USP6NL: variants seen among roughly 807,000 people sequenced by gnomAD.
USP6NL encodes the protein USP6 N-terminal like.
Under a neutral mutation model 61.9 loss-of-function variants are expected in USP6NL, and 26 were observed. That is an observed-to-expected ratio of 0.42 (90% CI 0.31 to 0.58). The LOEUF (loss-of-function observed/expected upper bound fraction) is 0.58. USP6NL is among the 20% of genes least tolerant of loss of function. The pLI, the probability that USP6NL is intolerant of heterozygous loss-of-function variation, is 0.16. For synonymous variants in USP6NL, 432 were observed against 390.1 expected (o/e 1.11, Z -1.27); for missense variants, 1,114 against 1,034.3 (o/e 1.08, Z -1.06).
At chr10:11,545,515 C>T (rs929024780) in intron 2 of USP6NL, among the ~76,000 whole-genome samples, 6 of 152,224 alleles carry the variant, frequency 3.9e-5, no homozygotes, top group African/African-American at 1.4e-4. Flanking sequence ...TCCTTTACCA[C>T]CGCAGTCATC....
chr10:11,535,076 C>T (rs748401259), intron 2 of USP6NL, among the ~76,000 whole-genome samples: 3 of 152,176 alleles, frequency 2.0e-5, no homozygotes, highest in Non-Finnish European at 4.4e-5. Flanking sequence ...CTTAACAGTA[C>T]ATCATGGAGA....
intron 5 of USP6NL, among the ~76,000 whole-genome samples, chr10:11,514,201 GTC>G (rs1834854989): frequency 2.7e-5 from 4 of 148,760 alleles, no homozygotes; most frequent in African/African-American, 9.8e-5. Flanking sequence ...CTACCCAATG[GTC>G]TCATCATCCG....
intron 2 of USP6NL, among the ~76,000 whole-genome samples, chr10:11,586,339 C>CAAAAAAACTGAGCCATCTTAAATGACCAA (rs1417538086): frequency 2.6e-5 from 3 of 115,350 alleles, no homozygotes; most frequent in African/African-American, 9.9e-5. Context: ...CTTAAATGAC[C>CAAAAAAACTGAGCCATCTTAAATGACCAA]AAAAAAACTG....
chr10:11,521,647 T>A (rs551157026), intron 4 of USP6NL, among the ~76,000 whole-genome samples: 17 of 152,288 alleles, frequency 1.1e-4, no homozygotes, highest in African/African-American at 4.1e-4. Flanking sequence ...CCCAAAGTGC[T>A]GGGATTACAG....
rs1835384687 is a variant in USP6NL, at chr10:11,525,655, C to T, written c.73-187G>A. Among the ~76,000 whole-genome samples the T allele has an allele frequency of 1.3e-5, 2 of 152,066 alleles. No individual in the cohort carries two copies. Among genetic ancestry groups the T allele is most frequent in the African/African-American group, 4.8e-5 (2 of 41,394 alleles). On this transcript the variant is annotated intron_variant, in intron 3 of 14. Transcript: ENST00000609104. This position sits in a 1 kb window ranked among gnomAD's most constrained non-coding sequence, Gnocchi z 5.0. ...ACCCAACTATTTTTGGCAAGATAAACACTATTTCCTAGTTATGACTCTGGA... is the reference window on the plus strand; with the variant it reads ...ACCCAACTATTTTTGGCAAGATAAATACTATTTCCTAGTTATGACTCTGGA...
rs1296660373 is a variant in USP6NL at position 11,468,755 on chromosome 10, C to A, written c.1079-4906G>T. On this transcript the variant is annotated intron_variant, in intron 14 of 14. Coordinates refer to ENST00000609104, the MANE Select transcript of USP6NL (RefSeq NM_014688.5). This position sits in a 1 kb window ranked among gnomAD's most constrained non-coding sequence, Gnocchi z 4.5. ...AGATTTTCATTCTGGAATCCTTTAG[C>A]CACAGAGGAGGCACATATCAGTAAA... 6.6e-6 allele frequency among the ~76,000 whole-genome samples: 1 copy of A among 152,154 alleles called. No individual in the cohort carries two copies. Among genetic ancestry groups the A allele is most frequent in the African/African-American group, 2.4e-5 (1 of 41,420 alleles).
rs1201518259 is a variant in USP6NL at position 11,487,374 on chromosome 10, G to C, written c.665-1463C>G. On this transcript the variant is annotated intron_variant, in intron 10 of 14. Transcript: ENST00000609104. The surrounding 1 kb of genome is among the most constrained non-coding windows in gnomAD (Gnocchi z 4.2). ...AGTATAAACTGACCCTTAATAATGA[G>C]CCAAACTACATTCTAAGTAGTTAGG... Among the ~76,000 whole-genome samples the C allele has an allele frequency of 1.3e-5, 2 of 152,136 alleles. No individual in the cohort carries two copies. Among genetic ancestry groups the C allele is most frequent in the Non-Finnish European group, 2.9e-5 (2 of 68,034 alleles).
chr10:11,594,143 C>G (rs985256266), intron 2 of USP6NL, among the ~76,000 whole-genome samples: 1 of 152,056 alleles, frequency 6.6e-6, no homozygotes, highest in Admixed American at 6.5e-5. Context: ...CACTTGATCA[C>G]GACCATTTGG....
intron 2 of USP6NL, among the ~76,000 whole-genome samples, chr10:11,551,651 T>C (rs895415467): frequency 9.9e-5 from 15 of 152,218 alleles, no homozygotes; most frequent in African/African-American, 3.6e-4. Context: ...TGAGTGGTGG[T>C]GCCACAGATC....
rs1349413380 is a variant in USP6NL at position 11,510,555 on chromosome 10, GA to G, written c.196-881del. The stretch of plus-strand genomic sequence containing the variant: ...TTCAGGGGCAAGGCTGCGGAATGGG[GA>G]AAGTGAGACGGAAAATGCTCGCTCT... On this transcript the variant is annotated intron_variant, in intron 5 of 14. Transcript: ENST00000609104. This position sits in a 1 kb window ranked among gnomAD's most constrained non-coding sequence, Gnocchi z 4.8. Among the ~76,000 whole-genome samples, 5 of 152,192 alleles carry G rather than the reference GA, an allele frequency of 3.3e-5. No homozygotes were observed. Among genetic ancestry groups the G allele is most frequent in the Non-Finnish European group, 5.9e-5 (4 of 68,024 alleles).
intron 6 of USP6NL, among the ~76,000 whole-genome samples, chr10:11,506,034 C>T (rs1834417800): frequency 6.6e-6 from 1 of 152,174 alleles, no homozygotes; most frequent in African/African-American, 2.4e-5. Context: ...CTGACAGACA[C>T]CAAAAGGGAA....
At chr10:11,571,384 C>G (rs549294782) in intron 2 of USP6NL, among the ~76,000 whole-genome samples, 5 of 152,224 alleles carry the variant, frequency 3.3e-5, no homozygotes, top group African/African-American at 1.2e-4. Flanking sequence ...CCGCGCCCAG[C>G]CCCCAAAATA....
intron 2 of USP6NL, among the ~76,000 whole-genome samples, chr10:11,552,076 C>G (rs1220139937): frequency 1.3e-5 from 2 of 152,048 alleles, no homozygotes; most frequent in African/African-American, 2.4e-5. Context: ...TGCTAATTCC[C>G]ACTACACTAT....
intron 14 of USP6NL, among the ~76,000 whole-genome samples, chr10:11,471,814 C>G (rs1361687269): frequency 4.6e-5 from 5 of 108,246 alleles, no homozygotes; most frequent in African/African-American, 1.5e-4. Context: ...CATCACACAC[C>G]GAGGCCTGTT....
chr10:11,547,818 G>A (rs780587594), intron 2 of USP6NL, among the ~76,000 whole-genome samples: 2 of 152,196 alleles, frequency 1.3e-5, no homozygotes, highest in South Asian at 2.1e-4. Flanking sequence ...TAGGATTACA[G>A]GCATGAGCCA....
chr10:11,577,648 C>T (rs1837600408), intron 2 of USP6NL, among the ~76,000 whole-genome samples: 1 of 151,996 alleles, frequency 6.6e-6, no homozygotes, highest in Admixed American at 6.6e-5. Context: ...TTACAGGTGC[C>T]TTGCCACCAC....
chr10:11,461,468 C>T lies in USP6NL; in HGVS notation c.*973G>A, dbSNP rs2096213913. 6.6e-6 allele frequency: 1 copy of T among 152,164 alleles called. No individual in the cohort carries two copies. Among genetic ancestry groups the T allele is most frequent in the South Asian group, 2.1e-4 (1 of 4,830 alleles). 9.4% of individuals were successfully genotyped at this position (152,164 alleles called of 1,614,324 possible). On this transcript the variant is annotated 3_prime_UTR_variant, in exon 15 of 15. Coordinates refer to ENST00000609104, the MANE Select transcript of USP6NL (RefSeq NM_014688.5). Reference sequence around the variant, plus strand: ...ATTGTATAAATGGCCACCCTGGGACCTTCGTGGGGAGAAGCCATGTGAGTC... The same window carrying T: ...ATTGTATAAATGGCCACCCTGGGACTTTCGTGGGGAGAAGCCATGTGAGTC...
chr10:11,509,758 A>T, intron 5 of USP6NL, 83 bp from the exon 6 acceptor site: 1 of 1,181,498 alleles, frequency 8.5e-7, no homozygotes. Context: ...AAATGCTTCT[A>T]AAAAAGGAAC....
intron 2 of USP6NL, among the ~76,000 whole-genome samples, chr10:11,547,044 TTAC>T (rs1836296502): frequency 2.0e-5 from 3 of 152,220 alleles, no homozygotes; most frequent in Admixed American, 2.0e-4. Context: ...ACCATTAACT[TTAC>T]TTCATTTTTG....
Sources: gnomAD v4.1 joint callset for allele counts (sites outside exome capture counted in the v4.1 genomes callset) on GRCh38, gnomAD v4.1.1 for gene constraint, Gnocchi (gnomAD v3.1) non-coding constraint, MANE v1.5 for transcripts, NCBI Gene and HGNC (gene_info 2026-07-23, HGNC 2026-07-21) for gene names.